Variants in GRK5 observed in about 807,000 individuals in gnomAD.
GRK5 encodes g protein-coupled receptor kinase GRK5.
A neutral mutation model predicts 78.4 loss-of-function variants in GRK5; 40 were observed. That is an observed-to-expected ratio of 0.51 (90% CI 0.40 to 0.66). The LOEUF (loss-of-function observed/expected upper bound fraction) is 0.66. Ranked by LOEUF, GRK5 falls within the 30% of genes least tolerant of loss-of-function variation. GRK5 has a pLI of 0.00. For missense variants in GRK5, 598 were observed against 759.9 expected (o/e 0.79, Z 2.50); for synonymous variants, 289 against 296.8 (o/e 0.97, Z 0.27).
At chr10:119,383,213 G>A (rs1055283527) in intron 3 of GRK5, among the ~76,000 whole-genome samples, 8 of 152,208 alleles carry the variant, frequency 5.3e-5, no homozygotes, top group Admixed American at 3.3e-4. Flanking sequence ...GAGCCACCGC[G>A]CCTGGCCTGG....
intron 2 of GRK5, among the ~76,000 whole-genome samples, chr10:119,338,410 T>G (rs1850930744): frequency 6.6e-6 from 1 of 152,246 alleles, no homozygotes; most frequent in Non-Finnish European, 1.5e-5. Context: ...ATTTTACATC[T>G]CAGACAGAGC....
In GRK5 at chr10:119,456,958, A is replaced by C. The variant is rs1853409550; in HGVS notation, c.*1891A>C. On this transcript the variant is annotated 3_prime_UTR_variant, in exon 16 of 16. Coordinates refer to ENST00000392870, the MANE Select transcript of GRK5 (RefSeq NM_005308.3). The surrounding 1 kb of genome is among the most constrained non-coding windows in gnomAD (Gnocchi z 5.5). ...TACAAAGAAATGGGGGAGAAGAAAT[A>C]GCTGGGCTTCCCTCAAATCTTTTTA... 1 of 152,230 alleles carries C rather than the reference A, an allele frequency of 6.6e-6. No individual in the cohort carries two copies. Among genetic ancestry groups the C allele is most frequent in the Non-Finnish European group, 1.5e-5 (1 of 68,036 alleles). The allele number at this position is 152,230 out of a possible 1,614,324, so 9.4% of individuals were successfully genotyped here. A position where few individuals can be genotyped will look rare whatever the true frequency, so the allele number is the denominator to read the frequency against.
At position 119,431,157 on chromosome 10, in the gene GRK5, C is replaced by T. The variant is rs192867736; in HGVS notation, c.598-230C>T. On this transcript the variant is annotated intron_variant, in intron 7 of 15. Coordinates refer to ENST00000392870, the MANE Select transcript of GRK5 (RefSeq NM_005308.3). The surrounding 1 kb of genome is among the most constrained non-coding windows in gnomAD (Gnocchi z 4.8). ...GTGGCTCATTCTGCCCCTTCCAGGG[C>T]TGGGAATCCTTGAAGGAGAGGAGGA... Among the ~76,000 whole-genome samples, 6 of 152,132 alleles carry T rather than the reference C, an allele frequency of 3.9e-5. No homozygotes were observed. Among genetic ancestry groups the T allele is most frequent in the Non-Finnish European group, 7.4e-5 (5 of 68,020 alleles).
intron 1 of GRK5, among the ~76,000 whole-genome samples, chr10:119,308,737 C>T (rs541598087): frequency 2.0e-4 from 31 of 152,374 alleles, no homozygotes; most frequent in African/African-American, 7.2e-4. Flanking sequence ...CTGCCATGCT[C>T]AGGCCTGCCC....
At chr10:119,428,281 A>G (rs772640097) in intron 6 of GRK5, among the ~76,000 whole-genome samples, 1 of 152,238 alleles carries the variant, frequency 6.6e-6, no homozygotes, top group Non-Finnish European at 1.5e-5. Context: ...CACCTCTTGA[A>G]GCCTCAGCGT....
intron 3 of GRK5, among the ~76,000 whole-genome samples, chr10:119,385,085 C>T (rs1031759709): frequency 6.6e-6 from 1 of 151,704 alleles, no homozygotes; most frequent in Non-Finnish European, 1.5e-5. Context: ...AGCACAAAGG[C>T]CTGAAGGCAC....
Position 119,455,236 on chromosome 10 carries a change from T to C in GRK5, c.*169T>C, listed in dbSNP as rs765575184. The C allele has an allele frequency of 3.7e-5, 26 of 710,382 alleles. No individual in the cohort carries two copies. The highest frequency in any genetic ancestry group is 5.4e-5 in the Non-Finnish European group (21 of 392,448). 44.0% of individuals were successfully genotyped at this position (710,382 alleles called of 1,614,324 possible). ...AGAACCTCGAGGTTTCTCAAAGAAATTTCCACTCAGGTCTGTTTTCCGAGG... is the reference window on the plus strand; with the variant it reads ...AGAACCTCGAGGTTTCTCAAAGAAACTTCCACTCAGGTCTGTTTTCCGAGG... On this transcript the variant is annotated 3_prime_UTR_variant, in exon 16 of 16. Transcript: ENST00000392870.
At chr10:119,313,001 GGTC>G (rs1481351256) in intron 1 of GRK5, among the ~76,000 whole-genome samples, 55 of 151,436 alleles carry the variant, frequency 3.6e-4, no homozygotes, top group South Asian at 1.0e-3. Context: ...TGGTAATGGT[GGTC>G]GTGACGGTGA....
chr10:119,319,266 A>G (rs1246305632), intron 1 of GRK5, among the ~76,000 whole-genome samples: 1 of 152,148 alleles, frequency 6.6e-6, no homozygotes, highest in East Asian at 1.9e-4. Context: ...TGGACAAGCA[A>G]TGCCCTCCCT....
chr10:119,301,189 C>G (rs573354123), intron 1 of GRK5, among the ~76,000 whole-genome samples: 5 of 151,832 alleles, frequency 3.3e-5, no homozygotes, highest in African/African-American at 1.2e-4. Flanking sequence ...CCTGTGGAAC[C>G]CTAGTCAAGA....
At chr10:119,210,686 C>T (rs190672337) in intron 1 of GRK5, among the ~76,000 whole-genome samples, 168 of 152,248 alleles carry the variant, frequency 1.1e-3, no homozygotes, top group African/African-American at 3.8e-3. Context: ...ATATAATTGG[C>T]AAATGTGAAA....
In GRK5 at chr10:119,459,335, G is replaced by T. The variant is rs1429135315; in HGVS notation, c.*4268G>T. 5.3e-5 allele frequency: 8 copies of T among 152,304 alleles called. No homozygotes were observed. In the East Asian group the frequency reaches 1.5e-3, roughly 29 times the overall value. The allele number at this position is 152,304 out of a possible 1,614,324, so 9.4% of individuals were successfully genotyped here. A position where few individuals can be genotyped will look rare whatever the true frequency, so the allele number is the denominator to read the frequency against. ...TGTCTCACCTGGCCTAAACGTAAAG[G>T]CTTGTGCCGGAGACAGTGATTGAAA... On this transcript the variant is annotated 3_prime_UTR_variant, in exon 16 of 16. Transcript: ENST00000392870.
intron 3 of GRK5, among the ~76,000 whole-genome samples, chr10:119,393,937 G>A (rs1564916439): frequency 6.7e-6 from 1 of 149,736 alleles, no homozygotes; most frequent in African/African-American, 2.5e-5. Flanking sequence ...GGTATCTGTG[G>A]GTGTGTGGTG....
In GRK5 at chr10:119,336,452, T is replaced by TA. The variant is rs1333651156; in HGVS notation, c.148+9848dup. ...TTTATCTGTAAGATTGTTTTTTTTT[T>TA]AAAAAAAGAATGAATTGGCATGTTC... On this transcript the variant is annotated intron_variant, in intron 2 of 15. Coordinates refer to ENST00000392870, the MANE Select transcript of GRK5 (RefSeq NM_005308.3). The surrounding 1 kb of genome is among the most constrained non-coding windows in gnomAD (Gnocchi z 4.5). 6.1e-4 allele frequency among the ~76,000 whole-genome samples: 92 copies of TA among 151,956 alleles called. No individual in the cohort carries two copies. Among genetic ancestry groups the TA allele is most frequent in the African/African-American group, 1.7e-3 (72 of 41,438 alleles).
At chr10:119,327,495 A>G (rs1850699643) in intron 2 of GRK5, among the ~76,000 whole-genome samples, 1 of 152,216 alleles carries the variant, frequency 6.6e-6, no homozygotes, top group Admixed American at 6.5e-5. Flanking sequence ...AGTCCACTGA[A>G]GGCTGGGCAC....
chr10:119,453,298 A>G (rs2133921795), intron 15 of GRK5, 22 bp downstream of exon 15: 2 of 1,613,370 alleles, frequency 1.2e-6, no homozygotes, highest in Non-Finnish European at 8.5e-7. Context: ...ATGCCTGGCC[A>G]GTCCTGGCAT....
chr10:119,408,308 C>G (rs961049081), intron 4 of GRK5, among the ~76,000 whole-genome samples: 8 of 128,346 alleles, frequency 6.2e-5, no homozygotes, highest in East Asian at 2.3e-4. Flanking sequence ...CACCACTGCT[C>G]TCTATCCTGG....
intron 1 of GRK5, among the ~76,000 whole-genome samples, chr10:119,297,341 A>G (rs1420909883): frequency 3.3e-5 from 5 of 152,206 alleles, no homozygotes; most frequent in African/African-American, 4.8e-5. Context: ...CACTATCACC[A>G]TAATTGTCAT....
At chr10:119,426,709 C>T (rs886580621) in intron 6 of GRK5, among the ~76,000 whole-genome samples, 2 of 151,960 alleles carry the variant, frequency 1.3e-5, no homozygotes, top group Non-Finnish European at 2.9e-5. Flanking sequence ...AGCATCACTG[C>T]ATCAATATCC....
Sources: gnomAD v4.1 joint callset for allele counts (sites outside exome capture counted in the v4.1 genomes callset) on GRCh38, gnomAD v4.1.1 for gene constraint, Gnocchi (gnomAD v3.1) non-coding constraint, MANE v1.5 for transcripts, NCBI Gene and HGNC (gene_info 2026-07-23, HGNC 2026-07-21) for gene names.